The following QRFPR variants were observed in gnomAD, a reference collection of about 807,000 sequenced individuals.
QRFPR encodes pyroglutamylated RFamide peptide receptor, also known as pyroglutamylated RF-amide peptide receptor.
A neutral mutation model predicts 31.3 loss-of-function variants in QRFPR; 37 were observed. That is an observed-to-expected ratio of 1.18 (90% CI 0.91 to 1.56). QRFPR has a LOEUF of 1.56. Ranked by LOEUF, QRFPR falls within the 40% of genes most tolerant of loss-of-function variation. The pLI is 0.00. For missense variants in QRFPR, 542 were observed against 532.5 expected (o/e 1.02, Z -0.18); for synonymous variants, 197 against 192.0 (o/e 1.03, Z -0.22).
intron 1 of QRFPR, among the ~76,000 whole-genome samples, chr4:121,345,951 T>G (rs1038951475): frequency 1.3e-5 from 2 of 152,162 alleles, no homozygotes; most frequent in Non-Finnish European, 2.9e-5. Flanking sequence ...AAGGACAGAA[T>G]GAAAAAAACC....
rs61733544 is a variant in QRFPR at position 121,380,729 on chromosome 4, G to A, written c.-82C>T. ...CTGCGGGGCAGCGAGGGCTTCGGGGGACCAGCCGGAGGCCGCCTCCCTTCC... is the reference window on the plus strand; with the variant it reads ...CTGCGGGGCAGCGAGGGCTTCGGGGAACCAGCCGGAGGCCGCCTCCCTTCC... On this transcript the variant is annotated 5_prime_UTR_variant, in exon 1 of 6. Transcript: ENST00000394427. 1.1e-5 allele frequency: 14 copies of A among 1,325,638 alleles called. No individual in the cohort carries two copies. The East Asian group carries it at 3.0e-4, about 29-fold the overall frequency. 82.1% of individuals were successfully genotyped at this position (1,325,638 alleles called of 1,614,324 possible).
chr4:121,338,957 G>A (rs910184788), intron 2 of QRFPR, among the ~76,000 whole-genome samples: 2 of 152,098 alleles, frequency 1.3e-5, no homozygotes, highest in South Asian at 2.1e-4. Context: ...CAGGAGTTCT[G>A]ATGTTGGAAA....
intron 1 of QRFPR, among the ~76,000 whole-genome samples, chr4:121,359,633 A>ATG (rs35744650): frequency 0.75 from 112,085 of 150,030 alleles, 43,817 homozygotes; most frequent in East Asian, 0.98. Flanking sequence ...TCATATATAT[A>ATG]TGTGTGTGTG....
In QRFPR at chr4:121,368,331, T is replaced by C. The variant is rs1162709078; in HGVS notation, c.340+11977A>G. ...AACTGTACCTACCATCTCCTTTACT[T>C]TAAAAAAGTTTAAGTCCATTTACCT... On this transcript the variant is annotated intron_variant, in intron 1 of 5. Transcript: ENST00000394427. Among the ~76,000 whole-genome samples the C allele has an allele frequency of 9.4e-5, 14 of 148,876 alleles. 1 individual carries two copies. The highest frequency in any genetic ancestry group is 1.8e-4 in the Non-Finnish European group (12 of 67,134).
chr4:121,330,408 A>C lies in QRFPR; in HGVS notation c.895+18T>G, dbSNP rs764204149. The stretch of plus-strand genomic sequence containing the variant: ...AATGAATGAGAATGTCTATCAAATG[A>C]GAATGACAAGCACTCACTGTATTCA... On this transcript the variant is annotated intron_variant, in intron 5 of 5. Transcript: ENST00000394427. 3 of 1,526,336 alleles carry C rather than the reference A, an allele frequency of 2.0e-6. No homozygotes were observed. In the South Asian group the frequency reaches 3.4e-5, roughly 17 times the overall value. The allele number at this position is 1,526,336 out of a possible 1,614,324, so 94.5% of individuals were successfully genotyped here.
At position 121,365,608 on chromosome 4, in the gene QRFPR, TA is replaced by T. The variant is rs1274633967; in HGVS notation, c.340+14699del. 1.6e-3 allele frequency among the ~76,000 whole-genome samples: 10 copies of T among 6,400 alleles called. 3 individuals are homozygous for T. The highest frequency in any genetic ancestry group is 3.0e-3 in the African/African-American group (6 of 1,974). The allele number at this position is 6,400 out of a possible 152,430, so 4.2% of individuals were successfully genotyped here. On this transcript the variant is annotated intron_variant, in intron 1 of 5. Transcript: ENST00000394427. ...ATATATATTATATATATATAATATATATATTATATATATTATATATTATATA... is the reference window on the plus strand; with the variant it reads ...ATATATATTATATATATATAATATATTATTATATATATTATATATTATATA...
intron 2 of QRFPR, among the ~76,000 whole-genome samples, chr4:121,339,574 G>A (rs1298695986): frequency 6.6e-6 from 1 of 152,158 alleles, no homozygotes; most frequent in Non-Finnish European, 1.5e-5. Context: ...CTACCCTTGT[G>A]TACTCACCAC....
chr4:121,361,713 C>T (rs1725996063), intron 1 of QRFPR, among the ~76,000 whole-genome samples: 1 of 150,234 alleles, frequency 6.7e-6, no homozygotes, highest in Admixed American at 6.6e-5. Flanking sequence ...GAAAAGTTCA[C>T]AATAGATTGA....
chr4:121,368,148 C>T (rs1370041520), intron 1 of QRFPR, among the ~76,000 whole-genome samples: 2 of 149,614 alleles, frequency 1.3e-5, no homozygotes, highest in African/African-American at 5.0e-5. Flanking sequence ...TTATGTATTG[C>T]ATAAAGGGAT....
At chr4:121,369,868 T>C in intron 1 of QRFPR, 1 of 839,286 alleles carries the variant, frequency 1.2e-6, no homozygotes, top group Non-Finnish European at 2.1e-6. Flanking sequence ...TTGTTATCTC[T>C]CCACTCTGCA....
At chr4:121,354,840 C>T (rs560080925) in intron 1 of QRFPR, among the ~76,000 whole-genome samples, 4 of 152,004 alleles carry the variant, frequency 2.6e-5, no homozygotes, top group Non-Finnish European at 2.9e-5. Context: ...TGGTTTTTGT[C>T]TTCCATAGTG....
chr4:121,338,510 G>A (rs1209412972), intron 2 of QRFPR, among the ~76,000 whole-genome samples: 1 of 152,124 alleles, frequency 6.6e-6, no homozygotes, highest in Non-Finnish European at 1.5e-5. Context: ...ATTTTTTTGC[G>A]ATATATTTTT....
Position 121,366,171 on chromosome 4 carries a change from G to GTGTGGTTATAC in QRFPR, c.340+14136_340+14137insGTATAACCACA, listed in dbSNP as rs1221891112. 3.3e-5 allele frequency among the ~76,000 whole-genome samples: 5 copies of GTGTGGTTATAC among 149,828 alleles called. 1 individual carries two copies. Among genetic ancestry groups the GTGTGGTTATAC allele is most frequent in the Non-Finnish European group, 3.0e-5 (2 of 67,554 alleles). On this transcript the variant is annotated intron_variant, in intron 1 of 5. Transcript: ENST00000394427. ...AAATTCTTCCCCGTCAGTATAACCA[G>GTGTGGTTATAC]TGTGGTTAAAAACCCAACACTGAAG...
intron 2 of QRFPR, chr4:121,340,236 G>A (rs1331988097): frequency 1.8e-6 from 1 of 540,934 alleles, no homozygotes; most frequent in Non-Finnish European, 3.3e-6. Flanking sequence ...AACTGAAAAA[G>A]TATACCCAAA....
At chr4:121,365,609 ATATT>A (rs1403429609) in intron 1 of QRFPR, among the ~76,000 whole-genome samples, 210 of 7,812 alleles carry the variant, frequency 0.027, 10 homozygotes, top group Middle Eastern at 0.05. Context: ...TATAATATAT[ATATT>A]ATATATATTA....
chr4:121,379,739 T>A (rs566394238), intron 1 of QRFPR, among the ~76,000 whole-genome samples: 1 of 152,190 alleles, frequency 6.6e-6, no homozygotes, highest in Non-Finnish European at 1.5e-5. Context: ...AAAGGACTAG[T>A]TCAATATATT....
chr4:121,339,173 C>G (rs957290915), intron 2 of QRFPR, among the ~76,000 whole-genome samples: 1 of 152,198 alleles, frequency 6.6e-6, no homozygotes, highest in Non-Finnish European at 1.5e-5. Flanking sequence ...TAAATTCTTA[C>G]AGCAGAAATA....
At position 121,329,623 on chromosome 4, in the gene QRFPR, G is replaced by A. The variant is rs772468511; in HGVS notation, c.987C>T (p.Pro329=). ...IIGFSNSICN[P]IVYAFMNENF... ...TTTCATTCATAAATGCATAGACAAT[G>A]GGATTACAGATGGAGTTGGAAAATC... Residue 329 remains proline (P), a synonymous_variant, in exon 6 of 6, where the codon CCC becomes CCT. Coordinates refer to ENST00000394427, the MANE Select transcript of QRFPR (RefSeq NM_198179.3). 4 of 1,609,562 alleles carry A rather than the reference G, an allele frequency of 2.5e-6. No individual in the cohort carries two copies. In the South Asian group the frequency reaches 4.5e-5, roughly 18 times the overall value.
chr4:121,347,330 G>T (rs553940133), intron 1 of QRFPR, among the ~76,000 whole-genome samples: 1 of 151,948 alleles, frequency 6.6e-6, no homozygotes, highest in African/African-American at 2.4e-5. Context: ...ACTGCTGGGG[G>T]CACTACCATC....
Sources: gnomAD v4.1 joint callset for allele counts (sites outside exome capture counted in the v4.1 genomes callset) on GRCh38, gnomAD v4.1.1 for gene constraint, MANE v1.5 for transcripts, NCBI Gene and HGNC (gene_info 2026-07-23, HGNC 2026-07-21) for gene names.